WWOX: variants seen among roughly 807,000 people sequenced by gnomAD.
WWOX encodes the protein WW domain containing oxidoreductase.
WWOX carries 69 observed loss-of-function variants against 46.2 expected under a neutral mutation model. That is an observed-to-expected ratio of 1.49 (90% CI 1.23 to 1.82). The LOEUF (loss-of-function observed/expected upper bound fraction) is 1.82, where lower values mean the gene tolerates loss of function less well. Ranked by LOEUF, WWOX falls within the 40% of genes most tolerant of loss-of-function variation. WWOX has a pLI of 0.00. For synonymous variants in WWOX, 359 were observed against 202.6 expected (o/e 1.77, Z -6.56); for missense variants, 919 against 542.6 (o/e 1.69, Z -6.89).
chr16:78,707,811 T>C (rs943023721), intron 8 of WWOX, among the ~76,000 whole-genome samples: 7 of 151,344 alleles, frequency 4.6e-5, no homozygotes, highest in Non-Finnish European at 1.0e-4. Flanking sequence ...CTCTAGCCTG[T>C]GCTAGAGAGC....
intron 8 of WWOX, chr16:79,106,628 G>A (rs185284845): frequency 3.3e-4 from 29 of 87,620 alleles, no homozygotes; most frequent in Non-Finnish European, 5.1e-4. Context: ...AGAACGGTCT[G>A]GTTCTGTCAC....
intron 8 of WWOX, among the ~76,000 whole-genome samples, chr16:78,782,481 C>G (rs1268711210): frequency 6.6e-6 from 1 of 152,112 alleles, no homozygotes; most frequent in Non-Finnish European, 1.5e-5. Flanking sequence ...TAAATACTCT[C>G]CCAGAGTAGG....
chr16:78,827,328 C>A (rs969969375), intron 8 of WWOX, among the ~76,000 whole-genome samples: 1 of 152,022 alleles, frequency 6.6e-6, no homozygotes, highest in African/African-American at 2.4e-5. Context: ...GGGGGAAGCA[C>A]GATGATCTTG....
At chr16:78,120,196 G>A (rs1238741304) in intron 4 of WWOX, among the ~76,000 whole-genome samples, 1 of 152,108 alleles carries the variant, frequency 6.6e-6, no homozygotes, top group Admixed American at 6.5e-5. Context: ...ATATCAAAAT[G>A]TATATATTTT....
intron 5 of WWOX, among the ~76,000 whole-genome samples, chr16:78,200,217 C>T (rs907721835): frequency 4.6e-5 from 7 of 151,976 alleles, no homozygotes; most frequent in Admixed American, 3.3e-4. Flanking sequence ...CTCCTCTGCA[C>T]GTAGTAGGCA....
At chr16:78,491,081 C>G (rs1236720666) in intron 8 of WWOX, among the ~76,000 whole-genome samples, 2 of 152,166 alleles carry the variant, frequency 1.3e-5, no homozygotes, top group African/African-American at 4.8e-5. Context: ...GTCATCTGTG[C>G]CAGCTGTGCC....
chr16:78,885,070 A>G (rs1355483904), intron 8 of WWOX, among the ~76,000 whole-genome samples: 1 of 152,184 alleles, frequency 6.6e-6, no homozygotes, highest in African/African-American at 2.4e-5. Context: ...CCCCAGGTTC[A>G]GTGGTGAGAG....
chr16:78,670,272 C>G (rs909609916), intron 8 of WWOX, among the ~76,000 whole-genome samples: 2 of 152,098 alleles, frequency 1.3e-5, no homozygotes, highest in Admixed American at 6.5e-5. Flanking sequence ...AGGGTCATAT[C>G]CTTGGATGTT....
At chr16:78,391,825 A>T (rs2082179242) in intron 6 of WWOX, among the ~76,000 whole-genome samples, 1 of 152,090 alleles carries the variant, frequency 6.6e-6, no homozygotes, top group Non-Finnish European at 1.5e-5. Flanking sequence ...GGACAGTGAG[A>T]CTCTGTCTCA....
At chr16:79,105,063 G>T (rs961580481) in intron 8 of WWOX, among the ~76,000 whole-genome samples, 1 of 152,104 alleles carries the variant, frequency 6.6e-6, no homozygotes, top group Admixed American at 6.5e-5. Context: ...AGTGGAAAAT[G>T]TGATATGACA....
intron 7 of WWOX, among the ~76,000 whole-genome samples, chr16:78,432,004 C>G (rs776403132): frequency 2.6e-5 from 4 of 152,162 alleles, no homozygotes; most frequent in Non-Finnish European, 5.9e-5. Context: ...GCATGAGCCA[C>G]CAGACATGAC....
intron 5 of WWOX, among the ~76,000 whole-genome samples, chr16:78,224,215 G>T (rs559073202): frequency 1.3e-5 from 2 of 152,044 alleles, no homozygotes; most frequent in African/African-American, 4.8e-5. Context: ...ACGTTAGCCA[G>T]GATGGTCTCT....
intron 8 of WWOX, among the ~76,000 whole-genome samples, chr16:78,750,835 T>G (rs2049459659): frequency 6.6e-6 from 1 of 152,206 alleles, no homozygotes; most frequent in Admixed American, 6.5e-5. Context: ...TCTTCTTTTT[T>G]ATGGCTGTGT....
At chr16:78,315,436 G>C (rs1315079027) in intron 5 of WWOX, among the ~76,000 whole-genome samples, 1 of 152,144 alleles carries the variant, frequency 6.6e-6, no homozygotes, top group Admixed American at 6.5e-5. Flanking sequence ...ATCACTTGAG[G>C]TTAGGAGTTC....
At chr16:79,175,851 C>A (rs776228100) in intron 8 of WWOX, among the ~76,000 whole-genome samples, 3 of 152,188 alleles carry the variant, frequency 2.0e-5, no homozygotes, top group Non-Finnish European at 4.4e-5. Context: ...GCTCCCCACT[C>A]CCCTAATTAC....
intron 6 of WWOX, among the ~76,000 whole-genome samples, chr16:78,390,330 G>A (rs1196114322): frequency 6.6e-6 from 1 of 152,230 alleles, no homozygotes. Context: ...CCATTAAGTA[G>A]TTGGGAAATC....
intron 8 of WWOX, among the ~76,000 whole-genome samples, chr16:79,170,999 GA>G (rs1369343886): frequency 6.6e-6 from 1 of 152,172 alleles, no homozygotes; most frequent in Non-Finnish European, 1.5e-5. Flanking sequence ...GAGATGTTGG[GA>G]AATGTTTCCA....
At chr16:79,175,603 C>T (rs2050784650) in intron 8 of WWOX, among the ~76,000 whole-genome samples, 1 of 152,184 alleles carries the variant, frequency 6.6e-6, no homozygotes, top group African/African-American at 2.4e-5. Flanking sequence ...GTTCATAGGG[C>T]TCCTGACCTT....
chr16:78,783,819 G>T (rs1175828941), intron 8 of WWOX, among the ~76,000 whole-genome samples: 1 of 151,798 alleles, frequency 6.6e-6, no homozygotes, highest in Non-Finnish European at 1.5e-5. Context: ...TGATGATGGT[G>T]ATAAGATGCT....
Sources: gnomAD v4.1 joint callset for allele counts (sites outside exome capture counted in the v4.1 genomes callset) on GRCh38, gnomAD v4.1.1 for gene constraint, MANE v1.5 for transcripts, NCBI Gene and HGNC (gene_info 2026-07-23, HGNC 2026-07-21) for gene names.